The following BTBD1 variants were observed in gnomAD, a reference collection of about 807,000 sequenced individuals.
BTBD1 encodes BTB/POZ domain-containing protein 1.
BTBD1 carries 34 observed loss-of-function variants against 48.0 expected under a neutral mutation model. That is an observed-to-expected ratio of 0.71 (90% CI 0.54 to 0.94). The LOEUF is 0.94. BTBD1 is among the 40% of genes least tolerant of loss of function. The pLI is 0.00. For missense variants in BTBD1, 543 were observed against 625.6 expected, an observed-to-expected ratio of 0.87 and a Z score of 1.41; for synonymous variants, 261 against 242.1, an observed-to-expected ratio of 1.08 and a Z score of -0.72.
At chr15:83,057,554 C>T (rs1216625605) in intron 1 of BTBD1, among the ~76,000 whole-genome samples, 1 of 152,196 alleles carries the variant, frequency 6.6e-6, no homozygotes, top group Non-Finnish European at 1.5e-5. Flanking sequence ...CTGGTGCCTT[C>T]CTATTTTTCT....
At chr15:83,064,605 T>C (rs954803448) in intron 1 of BTBD1, among the ~76,000 whole-genome samples, 8 of 152,138 alleles carry the variant, frequency 5.3e-5, no homozygotes, top group African/African-American at 1.9e-4. Context: ...TTTAGATTTG[T>C]GGTTCTTAAA....
chr15:83,030,458 T>C, intron 4 of BTBD1, 130 bp from the exon 5 acceptor site: 2 of 703,436 alleles, frequency 2.8e-6, no homozygotes, highest in Admixed American at 2.9e-5. Context: ...TTAGCATATA[T>C]AATTTTTGCA....
chr15:83,050,276 A>T (rs1469275777), intron 2 of BTBD1, 98 bp from the exon 3 acceptor site: 3 of 628,118 alleles, frequency 4.8e-6, no homozygotes, highest in Non-Finnish European at 7.8e-6. Flanking sequence ...ATAATTGCTA[A>T]TTATGTAAAA....
At chr15:83,061,203 GA>G (rs767990592) in intron 1 of BTBD1, among the ~76,000 whole-genome samples, 9 of 152,246 alleles carry the variant, frequency 5.9e-5, no homozygotes, top group Non-Finnish European at 1.2e-4. Flanking sequence ...TTACTGTACT[GA>G]ATACTATAGG....
intron 1 of BTBD1, among the ~76,000 whole-genome samples, chr15:83,064,550 G>A (rs2033228552): frequency 6.6e-6 from 1 of 151,974 alleles, no homozygotes; most frequent in African/African-American, 2.4e-5. Flanking sequence ...TCTTATCCTA[G>A]TAATCTCAAT....
chr15:83,050,484 C>T lies in BTBD1; in HGVS notation c.559-306G>A, dbSNP rs1049359874. ...TGTGTGTACAGCCTATATTCTTATA[C>T]ATTACTTATTCTGATCCTTAATGAA... On this transcript the variant is annotated intron_variant, in intron 2 of 7. Transcript: ENST00000261721. Among the ~76,000 whole-genome samples, 3 of 145,956 alleles carry T rather than the reference C, an allele frequency of 2.1e-5. No individual in the cohort carries two copies. In the East Asian group the frequency reaches 5.9e-4, roughly 29 times the overall value.
intron 4 of BTBD1, 90 bp downstream of exon 4, chr15:83,041,638 T>C: frequency 1.6e-6 from 2 of 1,213,964 alleles, no homozygotes; most frequent in Non-Finnish European, 2.4e-6. Flanking sequence ...CTCTCGAAAG[T>C]GCTGGGATTA....
rs770156272 is a variant in BTBD1, at chr15:83,041,884, G to A, written c.706C>T (p.Arg236Ter). ...ACAGCTCCAAAAAGTCGACTTTCTC[G>A]AATACTGAGTGTGTCTCTCTCTAAA... Reference protein sequence around the residue: ...AVLERDTLSIRESRLFGAVVR... With the variant: ...AVLERDTLSI The change falls in exon 4 of 8, where the codon CGA becomes TGA. Residue 236 changes from arginine (R) to a stop codon, truncating the protein, a stop_gained. Coordinates refer to ENST00000261721, the MANE Select transcript of BTBD1 (RefSeq NM_025238.4). LOFTEE classifies it high-confidence loss of function. 7.4e-6 allele frequency: 12 copies of A among 1,613,948 alleles called. No individual in the cohort carries two copies. The highest frequency in any genetic ancestry group is 2.2e-5 in the South Asian group (2 of 91,086).
chr15:83,064,514 TTAAAA>T (rs1279496105), intron 1 of BTBD1, among the ~76,000 whole-genome samples: 1 of 152,214 alleles, frequency 6.6e-6, no homozygotes, highest in African/African-American at 2.4e-5. Flanking sequence ...GGTGAAAATA[TTAAAA>T]TATGTATTTT....
intron 5 of BTBD1, among the ~76,000 whole-genome samples, chr15:83,023,776 T>C (rs2032348436): frequency 6.6e-6 from 1 of 152,186 alleles, no homozygotes; most frequent in Non-Finnish European, 1.5e-5. Flanking sequence ...GGTATAACGA[T>C]CATTTTTCTC....
At position 83,056,535 on chromosome 15, in the gene BTBD1, A is replaced by AG. The variant is rs2033084925; in HGVS notation, c.411_412insC (p.Ser138LeufsTer3). 1 of 1,613,376 alleles carries AG rather than the reference A, an allele frequency of 6.2e-7. No individual in the cohort carries two copies. The highest frequency in any genetic ancestry group is 8.5e-7 in the Non-Finnish European group (1 of 1,179,630). On this transcript the variant is annotated frameshift_variant, in exon 2 of 8. Coordinates refer to ENST00000261721, the MANE Select transcript of BTBD1 (RefSeq NM_025238.4). LOFTEE classifies it high-confidence loss of function. Reference sequence around the variant, plus strand: ...TCTGGACCAATTTGAACTTCATCTGAATATAGAAATCTGGAAAACAATTGG... The same window carrying AG: ...TCTGGACCAATTTGAACTTCATCTGAGATATAGAAATCTGGAAAACAATTGG...
At position 83,024,918 on chromosome 15, in the gene BTBD1, G is replaced by A. The variant is rs2032373427; in HGVS notation, c.1056-4156C>T. Among the ~76,000 whole-genome samples, 3 of 152,212 alleles carry A rather than the reference G, an allele frequency of 2.0e-5. No individual in the cohort carries two copies. In the South Asian group the frequency reaches 6.2e-4, roughly 32 times the overall value. On this transcript the variant is annotated intron_variant, in intron 5 of 7. Coordinates refer to ENST00000261721, the MANE Select transcript of BTBD1 (RefSeq NM_025238.4). ...CACCTGGCCATATCATTTTCTAAAT[G>A]TTCATTTATGTTAGGTTAGTTTCTG...
intron 5 of BTBD1, among the ~76,000 whole-genome samples, chr15:83,024,775 A>G (rs2032371147): frequency 6.6e-6 from 1 of 151,864 alleles, no homozygotes; most frequent in African/African-American, 2.4e-5. Flanking sequence ...GAATTTTTGA[A>G]TTTTTTTGTA....
In BTBD1 at chr15:83,067,144, G is replaced by A. The variant is rs1185418831; in HGVS notation, c.8C>T (p.Ser3Leu). The change falls in exon 1 of 8, where the codon TCA (serine) becomes TTA (leucine). Residue 3 changes from serine to leucine, a missense_variant. Physicochemically the swap from Ser to Leu is moderately radical, Grantham distance 145. Coordinates refer to ENST00000261721, the MANE Select transcript of BTBD1 (RefSeq NM_025238.4). ...CTCCCCAGCTGCGGCAGGCCCGAGT[G>A]AGGCCATCCTCCAGCTGCGCGGTTG... MA[S>L]LGPAAAGEQA... 2 of 1,434,880 alleles carry A rather than the reference G, an allele frequency of 1.4e-6. No homozygotes were observed. The highest frequency in any genetic ancestry group is 1.5e-5 in the South Asian group (1 of 65,062). The allele number at this position is 1,434,880 out of a possible 1,614,324, so 88.9% of individuals were successfully genotyped here. A position where few individuals can be genotyped will look rare whatever the true frequency, so the allele number is the denominator to read the frequency against.
At position 83,026,518 on chromosome 15, in the gene BTBD1, T is replaced by C. The variant is rs913026856; in HGVS notation, c.1055+3618A>G. ...GTTTATAAACCAGATTTTTTAGTGCTTTTTTTTTTTTTTTTTTTTTTGAGA... is the reference window on the plus strand; with the variant it reads ...GTTTATAAACCAGATTTTTTAGTGCCTTTTTTTTTTTTTTTTTTTTTGAGA... On this transcript the variant is annotated intron_variant, in intron 5 of 7. Transcript: ENST00000261721. Among the ~76,000 whole-genome samples the C allele has an allele frequency of 5.3e-4, 10 of 18,938 alleles. No homozygotes were observed. In the African/African-American group the frequency reaches 5.4e-3, roughly 10 times the overall value. 12.4% of individuals were successfully genotyped at this position (18,938 alleles called of 152,430 possible).
intron 4 of BTBD1, among the ~76,000 whole-genome samples, chr15:83,032,193 C>T (rs1012087609): frequency 1.3e-5 from 2 of 151,880 alleles, no homozygotes; most frequent in Non-Finnish European, 2.9e-5. Flanking sequence ...CAGTGATGTG[C>T]GCCTGTAGTC....
At chr15:83,029,420 T>C (rs1457150895) in intron 5 of BTBD1, 1 of 152,240 alleles carries the variant, frequency 6.6e-6, no homozygotes, top group Non-Finnish European at 1.5e-5. Flanking sequence ...TTTATAAATG[T>C]ATACTGAGAT....
At chr15:83,062,348 T>C (rs1290339226) in intron 1 of BTBD1, among the ~76,000 whole-genome samples, 1 of 152,080 alleles carries the variant, frequency 6.6e-6, no homozygotes, top group Non-Finnish European at 1.5e-5. Flanking sequence ...TCAGGAATGG[T>C]CTAAAATGGA....
intron 4 of BTBD1, among the ~76,000 whole-genome samples, chr15:83,038,113 G>T (rs1049768945): frequency 2.6e-5 from 4 of 151,952 alleles, no homozygotes; most frequent in African/African-American, 9.7e-5. Context: ...TCCACCAAAG[G>T]CGCCTGGAAC....
Sources: gnomAD v4.1 joint callset for allele counts (sites outside exome capture counted in the v4.1 genomes callset) on GRCh38, gnomAD v4.1.1 for gene constraint, MANE v1.5 for transcripts, NCBI Gene and HGNC (gene_info 2026-07-23, HGNC 2026-07-21) for gene names.